The following CA8 variants were observed in gnomAD, a reference collection of about 807,000 sequenced individuals.
The protein encoded by CA8 is carbonic anhydrase-related protein.
Under a neutral mutation model 41.4 loss-of-function variants are expected in CA8, and 22 were observed. That is an observed-to-expected ratio of 0.53 (90% CI 0.38 to 0.76). The LOEUF (loss-of-function observed/expected upper bound fraction) is 0.76, where lower values mean the gene tolerates loss of function less well. Ranked by LOEUF, CA8 falls within the 30% of genes least tolerant of loss-of-function variation. CA8 has a pLI of 0.00. For synonymous variants in CA8, 121 were observed against 130.6 expected (o/e 0.93, Z 0.50); for missense variants, 270 against 352.8 (o/e 0.77, Z 1.88).
intron 2 of CA8, among the ~76,000 whole-genome samples, chr8:60,266,283 CATA>C (rs754027939): frequency 8.5e-5 from 13 of 152,278 alleles, no homozygotes; most frequent in Non-Finnish European, 1.8e-4. Context: ...CTGAAAAACT[CATA>C]ATGATATGCA....
intron 8 of CA8, among the ~76,000 whole-genome samples, chr8:60,200,474 T>G (rs1274683631): frequency 1.3e-5 from 2 of 152,146 alleles, no homozygotes; most frequent in Non-Finnish European, 2.9e-5. Flanking sequence ...TGTAAGCAAT[T>G]TGCCATACAT....
At chr8:60,238,605 C>T (rs745465652) in intron 3 of CA8, among the ~76,000 whole-genome samples, 2 of 152,178 alleles carry the variant, frequency 1.3e-5, no homozygotes, top group Non-Finnish European at 1.5e-5. Context: ...CAGAGCTCAT[C>T]TAGACCTCTC....
chr8:60,243,265 T>C lies in CA8; in HGVS notation c.418-10886A>G, dbSNP rs141393977. 3.8e-4 allele frequency among the ~76,000 whole-genome samples: 58 copies of C among 152,204 alleles called. 1 individual carries two copies. The East Asian group carries it at 9.1e-3, about 24-fold the overall frequency. Reference sequence around the variant, plus strand: ...GTCTCTGCTTCCTGCCAGGACCTCCTGCCAGTCCTTCCTCCCTCCTCCTCT... The same window carrying C: ...GTCTCTGCTTCCTGCCAGGACCTCCCGCCAGTCCTTCCTCCCTCCTCCTCT... On this transcript the variant is annotated intron_variant, in intron 3 of 8. Coordinates refer to ENST00000317995, the MANE Select transcript of CA8 (RefSeq NM_004056.6).
rs191662180 is a variant in CA8, at chr8:60,239,976, T to G, written c.418-7597A>C. On this transcript the variant is annotated intron_variant, in intron 3 of 8. Coordinates refer to ENST00000317995, the MANE Select transcript of CA8 (RefSeq NM_004056.6). The stretch of plus-strand genomic sequence containing the variant: ...CTCTTTTTCTTTATAAATTACCCAG[T>G]GTTGGCTATGTCTTTATCAGCAGCA... Among the ~76,000 whole-genome samples, 8 of 152,284 alleles carry G rather than the reference T, an allele frequency of 5.3e-5. No individual in the cohort carries two copies. In the East Asian group the frequency reaches 1.4e-3, roughly 26 times the overall value.
chr8:60,208,862 A>G lies in CA8; in HGVS notation c.796T>C (p.Cys266Arg), dbSNP rs1381945561. ...HVKGAELVEG[C>R]DGILGDNFRP... ...AAGTTGTCTCCCAAAATCCCATCAC[A>G]GCCTTCCACAAGTTCTGCCCCCTTA... Residue 266 changes from cysteine to arginine, a missense_variant, in exon 8 of 9, where the codon TGT (cysteine) becomes CGT (arginine). Cys to Arg is a radical substitution (Grantham distance 180, BLOSUM62 -3). Transcript: ENST00000317995. 1 of 1,614,162 alleles carries G rather than the reference A, an allele frequency of 6.2e-7. No individual in the cohort carries two copies.
At chr8:60,207,260 CTG>C (rs1288087373) in intron 8 of CA8, among the ~76,000 whole-genome samples, 3 of 152,242 alleles carry the variant, frequency 2.0e-5, no homozygotes, top group Non-Finnish European at 4.4e-5. Flanking sequence ...GCTAACTTGT[CTG>C]TAAAGCCTCC....
intron 3 of CA8, among the ~76,000 whole-genome samples, chr8:60,237,475 A>G (rs1191446029): frequency 6.6e-6 from 1 of 152,240 alleles, no homozygotes; most frequent in African/African-American, 2.4e-5. Context: ...CGGCCGCATT[A>G]GCACTGCATC....
chr8:60,235,842 ATAT>A (rs1255725708), intron 3 of CA8, among the ~76,000 whole-genome samples: 7 of 152,162 alleles, frequency 4.6e-5, no homozygotes, highest in Non-Finnish European at 1.5e-5. Flanking sequence ...ATTGCAATGA[ATAT>A]TATTATTATG....
intron 3 of CA8, among the ~76,000 whole-genome samples, chr8:60,262,717 G>A (rs748682591): frequency 1.1e-4 from 17 of 152,154 alleles, no homozygotes; most frequent in Non-Finnish European, 1.9e-4. Flanking sequence ...TGATTATATC[G>A]TTCTCTTGCT....
intron 8 of CA8, among the ~76,000 whole-genome samples, chr8:60,203,465 A>G (rs1236717133): frequency 6.6e-6 from 1 of 152,162 alleles, no homozygotes; most frequent in African/African-American, 2.4e-5. Flanking sequence ...AATGAGGTAG[A>G]CTTTTAGGCA....
At position 60,187,484 on chromosome 8, in the gene CA8, A is replaced by G. The variant is rs1452231676; in HGVS notation, c.*2537T>C. 1 of 152,176 alleles carries G rather than the reference A, an allele frequency of 6.6e-6. No homozygotes were observed. Among genetic ancestry groups the G allele is most frequent in the African/African-American group, 2.4e-5 (1 of 41,464 alleles). 9.4% of individuals were successfully genotyped at this position (152,176 alleles called of 1,614,324 possible). A position where few individuals can be genotyped will look rare whatever the true frequency, so the allele number is the denominator to read the frequency against. The stretch of plus-strand genomic sequence containing the variant: ...TTTCTTACTAATCTTACTATTTTGT[A>G]AGATTTGAGCAGAGTTTGATGACAT... On this transcript the variant is annotated 3_prime_UTR_variant, in exon 9 of 9. Coordinates refer to ENST00000317995, the MANE Select transcript of CA8 (RefSeq NM_004056.6).
chr8:60,217,870 C>T (rs760524894), intron 7 of CA8, among the ~76,000 whole-genome samples: 1 of 152,148 alleles, frequency 6.6e-6, no homozygotes, highest in African/African-American at 2.4e-5. Flanking sequence ...CATCTCATTG[C>T]CATGTGACCC....
At chr8:60,232,692 G>T in intron 3 of CA8, 1 of 396,740 alleles carries the variant, frequency 2.5e-6, no homozygotes, top group South Asian at 2.3e-5. Context: ...TCATCCTTTT[G>T]AATCTCCATG....
intron 4 of CA8, among the ~76,000 whole-genome samples, chr8:60,229,900 T>C (rs991114772): frequency 6.6e-6 from 1 of 152,168 alleles, no homozygotes; most frequent in Non-Finnish European, 1.5e-5. Flanking sequence ...TGCTCTCTGA[T>C]GGATCAACAC....
In CA8 at chr8:60,222,644, C is replaced by T; in HGVS notation, c.738+5G>A. On this transcript the variant is annotated splice_donor_5th_base_variant and intron_variant, in intron 7 of 8. Coordinates refer to ENST00000317995, the MANE Select transcript of CA8 (RefSeq NM_004056.6). ...ACTCTGAAAGATTCAAAGTAGCACA[C>T]TCACCTGTAGCTGGGATATAGTTAA... The T allele has an allele frequency of 8.6e-6, 13 of 1,517,078 alleles. No homozygotes were observed. Among genetic ancestry groups the T allele is most frequent in the East Asian group, 2.3e-5 (1 of 44,424 alleles). 94.0% of individuals were successfully genotyped at this position (1,517,078 alleles called of 1,614,324 possible).
chr8:60,226,655 AC>A (rs2130479270), intron 5 of CA8, among the ~76,000 whole-genome samples: 1 of 152,244 alleles, frequency 6.6e-6, no homozygotes, highest in African/African-American at 2.4e-5. Context: ...GGGAGGGGAC[AC>A]CTGGAAGCTT....
intron 3 of CA8, among the ~76,000 whole-genome samples, chr8:60,254,157 A>G (rs938624815): frequency 2.6e-5 from 4 of 152,194 alleles, no homozygotes; most frequent in African/African-American, 7.2e-5. Flanking sequence ...ATTAAACACA[A>G]ATGTTGTTTT....
intron 7 of CA8, among the ~76,000 whole-genome samples, chr8:60,217,876 G>A (rs1457732558): frequency 6.6e-6 from 1 of 152,022 alleles, no homozygotes; most frequent in Non-Finnish European, 1.5e-5. Flanking sequence ...ATTGCCATGT[G>A]ACCCACATCT....
chr8:60,272,442 G>A (rs1331961705), intron 2 of CA8, among the ~76,000 whole-genome samples: 1 of 150,952 alleles, frequency 6.6e-6, no homozygotes, highest in Non-Finnish European at 1.5e-5. Context: ...AGTCCCTCAT[G>A]AATTTGCTCC....
Sources: gnomAD v4.1 joint callset for allele counts (sites outside exome capture counted in the v4.1 genomes callset) on GRCh38, gnomAD v4.1.1 for gene constraint, MANE v1.5 for transcripts, NCBI Gene and HGNC (gene_info 2026-07-23, HGNC 2026-07-21) for gene names.